Variants in ACBD4 observed in about 807,000 individuals in gnomAD.
ACBD4 encodes the protein acyl-CoA-binding domain-containing protein 4.
A neutral mutation model predicts 46.0 loss-of-function variants in ACBD4; 41 were observed. That is an observed-to-expected ratio of 0.89 (90% confidence interval 0.69 to 1.16). ACBD4 has a LOEUF of 1.16. Among genes scored for constraint, ACBD4 ranks in the 50% most tolerant of loss-of-function variants. The pLI, the probability that ACBD4 is intolerant of heterozygous loss-of-function variation, is 0.00. For missense variants in ACBD4, 393 were observed against 399.5 expected (o/e 0.98, Z 0.14); for synonymous variants, 162 against 155.9 (o/e 1.04, Z -0.29).
chr17:45,137,242 G>A, intron 5 of ACBD4, 103 bp downstream of exon 5: 2 of 1,599,990 alleles, frequency 1.3e-6, no homozygotes, highest in Non-Finnish European at 1.7e-6. Context: ...ATCCCTGTTA[G>A]GGCCCCCAAG....
In ACBD4 at chr17:45,135,854, AC is replaced by A; in HGVS notation, c.-135del. The A allele has an allele frequency of 2.7e-6, 1 of 376,952 alleles. No homozygotes were observed. Among genetic ancestry groups the A allele is most frequent in the Non-Finnish European group, 5.0e-6 (1 of 201,484 alleles). 23.4% of individuals were successfully genotyped at this position (376,952 alleles called of 1,614,324 possible). A position where few individuals can be genotyped will look rare whatever the true frequency, so the allele number is the denominator to read the frequency against. ...ACCTGTTCGGGAGTTGGAGATGTGC[AC>A]CTAAAGGAGGCGCATCTGGGGACGG... On this transcript the variant is annotated 5_prime_UTR_variant, in exon 1 of 10. An upstream open reading frame in the 5' UTR loses its in-frame stop. Transcript: ENST00000321854.
chr17:45,137,827 G>A lies in ACBD4; in HGVS notation c.570G>A (p.Glu190=). The change falls in exon 7 of 10, where the codon GAG becomes GAA. Residue 190 remains glutamate, a synonymous_variant. Coordinates refer to ENST00000321854, the MANE Select transcript of ACBD4 (RefSeq NM_001135705.3). The part of the protein sequence containing the change: ...FCDSLEQLEP[E]LVWTEQRAAS... ...ATTCCCTGGAGCAGCTGGAGCCTGA[G>A]CTGGTGAGCCCAGTCCCCATTCCCC... is the stretch of plus-strand genomic sequence containing the variant. 1 of 1,613,892 alleles carries A rather than the reference G, an allele frequency of 6.2e-7. No homozygotes were observed. Among genetic ancestry groups the A allele is most frequent in the Non-Finnish European group, 8.5e-7 (1 of 1,179,890 alleles).
At chr17:45,131,922 G>A (rs574548101), upstream of ACBD4, among the ~76,000 whole-genome samples, 1 of 152,200 alleles carries the variant, frequency 6.6e-6, no homozygotes, top group East Asian at 1.9e-4. Flanking sequence ...CTGGGGAGCC[G>A]GACGAGGGAC....
At position 45,143,842 on chromosome 17, in the gene ACBD4, C is replaced by T. The variant is rs1282657644; in HGVS notation, c.*271C>T. Reference sequence around the variant, plus strand: ...CCCCGGTGCTGGGTTGGCCGTGACTCGGGGGCGGGGCGATCGGGTCTCAGC... The same window carrying T: ...CCCCGGTGCTGGGTTGGCCGTGACTTGGGGGCGGGGCGATCGGGTCTCAGC... On this transcript the variant is annotated 3_prime_UTR_variant, in exon 10 of 10. Transcript: ENST00000321854. 1 of 524,002 alleles carries T rather than the reference C, an allele frequency of 1.9e-6. No individual in the cohort carries two copies. Among genetic ancestry groups the T allele is most frequent in the African/African-American group, 1.9e-5 (1 of 51,390 alleles). 32.5% of individuals were successfully genotyped at this position (524,002 alleles called of 1,614,324 possible).
rs762535006 is a variant in ACBD4, at chr17:45,137,025, GAC to G, written c.305_306del (p.Thr102SerfsTer5). 1 of 1,614,084 alleles carries G rather than the reference GAC, an allele frequency of 6.2e-7. No homozygotes were observed. Among genetic ancestry groups the G allele is most frequent in the Admixed American group, 1.7e-5 (1 of 60,020 alleles). On this transcript the variant is annotated frameshift_variant, in exon 5 of 10. Coordinates refer to ENST00000321854, the MANE Select transcript of ACBD4 (RefSeq NM_001135705.3). LOFTEE classifies it high-confidence loss of function. ...CAGACCCCCTCCCCTACAGGTGATC[GAC>G]ACAGTGCCCCTGGGTGAGGTGGCAG... ...EMKLVAQKVI[D>X]TVPLGEVAED...
At position 45,136,223 on chromosome 17, in the gene ACBD4, C is replaced by T; in HGVS notation, c.79C>T (p.Pro27Ser). 1 of 1,613,304 alleles carries T rather than the reference C, an allele frequency of 6.2e-7. No individual in the cohort carries two copies. Among genetic ancestry groups the T allele is most frequent in the South Asian group, 1.1e-5 (1 of 90,948 alleles). ...QAAVSVIQNL[P>S]KNGSYRPSYE... ...TGCAGTGAGCGTCATCCAGAACCTGCCCAAGAACGGTGAGGCTGCGGGGAC... is the reference window on the plus strand; with the variant it reads ...TGCAGTGAGCGTCATCCAGAACCTGTCCAAGAACGGTGAGGCTGCGGGGAC... Residue 27 changes from proline to serine, a missense_variant, in exon 2 of 10, where the codon CCC becomes TCC. Pro to Ser is a moderately conservative substitution (Grantham distance 74). Transcript: ENST00000321854.
chr17:45,143,200 G>A (rs993876287), intron 9 of ACBD4, among the ~76,000 whole-genome samples: 1 of 152,200 alleles, frequency 6.6e-6, no homozygotes, highest in Non-Finnish European at 1.5e-5. Flanking sequence ...AAGATGGCAT[G>A]GAAGCCGCTC....
chr17:45,137,587 TA>T, intron 6 of ACBD4, 133 bp downstream of exon 6: 1 of 1,345,528 alleles, frequency 7.4e-7, no homozygotes, highest in Non-Finnish European at 1.1e-6. Flanking sequence ...GACCGGGGTC[TA>T]GGATTCCTGT....
At chr17:45,138,732 G>A (rs1205973084) in intron 8 of ACBD4, among the ~76,000 whole-genome samples, 1 of 151,358 alleles carries the variant, frequency 6.6e-6, no homozygotes, top group Non-Finnish European at 1.5e-5. Context: ...AGGTTGCAGT[G>A]AGCCGAGGTC....
At chr17:45,142,229 C>A (rs2055318104) in intron 9 of ACBD4, among the ~76,000 whole-genome samples, 1 of 151,388 alleles carries the variant, frequency 6.6e-6, no homozygotes, top group South Asian at 2.1e-4. Flanking sequence ...CCTGTGTCTT[C>A]TAAAAATACA....
At chr17:45,140,951 T>C (rs986556016) in intron 9 of ACBD4, among the ~76,000 whole-genome samples, 6 of 152,142 alleles carry the variant, frequency 3.9e-5, no homozygotes, top group African/African-American at 1.4e-4. Flanking sequence ...AGGCAGAGGT[T>C]GCAGTGAGCT....
chr17:45,136,125 G>A lies in ACBD4; in HGVS notation c.-20G>A. 1 of 1,611,782 alleles carries A rather than the reference G, an allele frequency of 6.2e-7. No individual in the cohort carries two copies. On this transcript the variant is annotated 5_prime_UTR_variant, in exon 2 of 10. Transcript: ENST00000321854. ...TCTTGCAGAGTCGCTCAAAAGTAGG[G>A]CCCCAGGGCTCGCAGCAGCATGGGC...
At chr17:45,139,548 T>G (rs566738537) in intron 9 of ACBD4, among the ~76,000 whole-genome samples, 1 of 152,246 alleles carries the variant, frequency 6.6e-6, no homozygotes, top group South Asian at 2.1e-4. Flanking sequence ...AGCCCTTGCA[T>G]CCCTCTCCTC....
chr17:45,132,146 C>A (rs2054466502), upstream of ACBD4: 1 of 1,155,008 alleles, frequency 8.7e-7, no homozygotes, highest in Non-Finnish European at 1.1e-6. This position sits in a 1 kb window ranked among gnomAD's most constrained non-coding sequence, Gnocchi z 4.6. Flanking sequence ...CCTCCCAGCC[C>A]CGTGCAGCCT....
chr17:45,137,741 T>A lies in ACBD4; in HGVS notation c.503-19T>A, dbSNP rs2054955789. On this transcript the variant is annotated intron_variant, in intron 6 of 9. Transcript: ENST00000321854. Reference sequence around the variant, plus strand: ...CCACAGCTTCCCTCTGGGCAGTAACTCTACCAACCCCTCCACAGAGTCCCA... The same window carrying A: ...CCACAGCTTCCCTCTGGGCAGTAACACTACCAACCCCTCCACAGAGTCCCA... The A allele has an allele frequency of 6.2e-7, 1 of 1,613,666 alleles. No individual in the cohort carries two copies. Among genetic ancestry groups the A allele is most frequent in the Admixed American group, 1.7e-5 (1 of 59,980 alleles).
At chr17:45,132,668 G>C (rs183380710), upstream of ACBD4, 403 of 239,086 alleles carry the variant, frequency 1.7e-3, no homozygotes, top group African/African-American at 8.7e-3. This position sits in a 1 kb window ranked among gnomAD's most constrained non-coding sequence, Gnocchi z 4.6. Flanking sequence ...CTGCTCGTGA[G>C]TCCGTCTCCC....
chr17:45,140,658 CAAAA>C (rs35492972), intron 9 of ACBD4, among the ~76,000 whole-genome samples: 1 of 130,876 alleles, frequency 7.6e-6, no homozygotes. Context: ...GATCCTGCCT[CAAAA>C]AAAAAAAAAA....
rs776795835 is a variant in ACBD4 at position 45,139,168 on chromosome 17, C to T, written c.789+8C>T. 2.5e-6 allele frequency: 4 copies of T among 1,612,666 alleles called. No homozygotes were observed. Among genetic ancestry groups the T allele is most frequent in the East Asian group, 2.2e-5 (1 of 44,892 alleles). On this transcript the variant is annotated splice_region_variant and intron_variant, in intron 9 of 9. Transcript: ENST00000321854. ...CCCCGGCCCCCTGAGCAGGTAGAGT[C>T]CCCCACCCCATAGGACAAGATGATG...
At position 45,136,614 on chromosome 17, in the gene ACBD4, A is replaced by G. The variant is rs1241831417; in HGVS notation, c.203A>G (p.Tyr68Cys). ...GGGTTCTGGGACCCCATTGGACGAT[A>G]TAAGTGGTGAGCTCCCTGCTGGCTG... ...RPGFWDPIGR[Y>C]KWDAWNSLGK... The change falls in exon 3 of 10, where the codon TAT becomes TGT. Residue 68 changes from tyrosine to cysteine, a missense_variant. Physicochemically the swap from Tyr to Cys is radical, Grantham distance 194 (BLOSUM62 -2). Around this residue, in one of 3 missense-constraint regions of ACBD4, gnomAD observed 24 missense variants for 47.4 expected, o/e 0.51. Coordinates refer to ENST00000321854, the MANE Select transcript of ACBD4 (RefSeq NM_001135705.3). 3.7e-6 allele frequency: 6 copies of G among 1,613,792 alleles called. No homozygotes were observed. The highest frequency in any genetic ancestry group is 1.7e-6 in the Non-Finnish European group (2 of 1,179,932).
Sources: gnomAD v4.1 joint callset for allele counts (sites outside exome capture counted in the v4.1 genomes callset) on GRCh38, gnomAD v4.1.1 for gene constraint, gnomAD v4.1.1 regional missense constraint, Gnocchi (gnomAD v3.1) non-coding constraint, MANE v1.5 for transcripts, NCBI Gene and HGNC (gene_info 2026-07-23, HGNC 2026-07-21) for gene names.